The following CEP162 variants were observed in gnomAD, a reference collection of about 807,000 sequenced individuals.
CEP162 encodes the protein centrosomal protein 162.
A neutral mutation model predicts 169.2 loss-of-function variants in CEP162; 141 were observed. The ratio of observed to expected loss-of-function variants is 0.83; its 90% CI spans 0.73 to 0.96. CEP162 has a LOEUF of 0.96. Among genes scored for constraint, CEP162 ranks in the 40% least tolerant of loss-of-function variants. The probability of loss-of-function intolerance (pLI) is 0.00; values close to 1 mark genes in which losing one functional copy is unlikely to be tolerated. For missense variants in CEP162, 1,600 were observed against 1,587.2 expected (o/e 1.01, Z -0.14); for synonymous variants, 540 against 526.4 (o/e 1.03, Z -0.35).
intron 22 of CEP162, among the ~76,000 whole-genome samples, chr6:84,154,245 G>A (rs1029691434): frequency 2.0e-5 from 3 of 152,062 alleles, no homozygotes; most frequent in Non-Finnish European, 2.9e-5. Context: ...GTCTTATTTA[G>A]TTGGTGGAAC....
intron 6 of CEP162, among the ~76,000 whole-genome samples, chr6:84,212,184 C>T (rs147522582): frequency 6.6e-6 from 1 of 152,128 alleles, no homozygotes; most frequent in Admixed American, 6.5e-5. Flanking sequence ...GGAGGCTCTT[C>T]GTGGTGAAGA....
At chr6:84,170,155 C>T (rs182042899) in intron 17 of CEP162, among the ~76,000 whole-genome samples, 73 of 151,914 alleles carry the variant, frequency 4.8e-4, no homozygotes, top group Admixed American at 1.4e-3. Flanking sequence ...AGGTGGATCA[C>T]GAGGTCAGGA....
At chr6:84,188,750 A>G (rs1439881525) in intron 11 of CEP162, among the ~76,000 whole-genome samples, 1 of 152,170 alleles carries the variant, frequency 6.6e-6, no homozygotes, top group African/African-American at 2.4e-5. Context: ...GTATATATCC[A>G]ATGATGAGAT....
chr6:84,179,873 G>A (rs1013905821), intron 13 of CEP162, among the ~76,000 whole-genome samples: 1 of 152,082 alleles, frequency 6.6e-6, no homozygotes, highest in Non-Finnish European at 1.5e-5. Context: ...CCAAAAAAAA[G>A]TACAGGACCA....
intron 25 of CEP162, among the ~76,000 whole-genome samples, chr6:84,144,438 C>A (rs1367123733): frequency 6.6e-6 from 1 of 152,030 alleles, no homozygotes; most frequent in African/African-American, 2.4e-5. Flanking sequence ...TTATAATGAA[C>A]TCTCATCAGA....
At chr6:84,196,191 G>A (rs1261560179) in intron 9 of CEP162, among the ~76,000 whole-genome samples, 1 of 152,164 alleles carries the variant, frequency 6.6e-6, no homozygotes, top group Non-Finnish European at 1.5e-5. Flanking sequence ...AATTATGGGG[G>A]TGGGTCTTTT....
intron 4 of CEP162, 99 bp downstream of exon 4, chr6:84,215,677 A>T: frequency 6.9e-7 from 1 of 1,439,420 alleles, no homozygotes; most frequent in Non-Finnish European, 9.3e-7. Flanking sequence ...AAATCTGTCT[A>T]CATGCTTCAG....
intron 23 of CEP162, among the ~76,000 whole-genome samples, chr6:84,150,028 A>T (rs2099520526): frequency 6.6e-6 from 1 of 152,138 alleles, no homozygotes. Context: ...ATCTTTTAAG[A>T]TAAACTCAGA....
At chr6:84,153,466 C>A (rs2129203156) in intron 22 of CEP162, among the ~76,000 whole-genome samples, 1 of 152,250 alleles carries the variant, frequency 6.6e-6, no homozygotes, top group Non-Finnish European at 1.5e-5. Context: ...TATTTTAAAT[C>A]TCACAATAAA....
At chr6:84,172,595 T>C (rs574345457) in intron 16 of CEP162, among the ~76,000 whole-genome samples, 29 of 152,284 alleles carry the variant, frequency 1.9e-4, no homozygotes, top group African/African-American at 7.0e-4. Context: ...TCGGCATACT[T>C]ATGGGTCTGT....
At chr6:84,186,117 T>C (rs2127713278) in intron 12 of CEP162, among the ~76,000 whole-genome samples, 1 of 152,250 alleles carries the variant, frequency 6.6e-6, no homozygotes, top group South Asian at 2.1e-4. Context: ...AAGAATGGCT[T>C]CTAAAAGCAA....
intron 11 of CEP162, among the ~76,000 whole-genome samples, chr6:84,188,378 C>G (rs1049233076): frequency 1.3e-5 from 2 of 152,106 alleles, no homozygotes; most frequent in African/African-American, 4.8e-5. Flanking sequence ...TCGATCTTCA[C>G]CCTCCTCCCA....
chr6:84,178,700 T>A, intron 13 of CEP162, among the ~76,000 whole-genome samples: 1 of 152,206 alleles, frequency 6.6e-6, no homozygotes, highest in East Asian at 1.9e-4. Context: ...AGGGTACATG[T>A]GCACAACGTG....
intron 25 of CEP162, among the ~76,000 whole-genome samples, chr6:84,140,851 CT>C: frequency 6.6e-6 from 1 of 152,208 alleles, no homozygotes. Flanking sequence ...ATAAAAATAG[CT>C]TACTGGTCTA....
At chr6:84,221,848 C>T (rs188577032) in intron 2 of CEP162, among the ~76,000 whole-genome samples, 2 of 152,156 alleles carry the variant, frequency 1.3e-5, no homozygotes, top group East Asian at 1.9e-4. Flanking sequence ...TCAGACAACA[C>T]AATTCTTTCC....
At chr6:84,191,475 T>C (rs2099539868) in intron 11 of CEP162, among the ~76,000 whole-genome samples, 1 of 152,206 alleles carries the variant, frequency 6.6e-6, no homozygotes, top group Non-Finnish European at 1.5e-5. Context: ...GTTGTAACAT[T>C]GATTGCTGTG....
chr6:84,132,516 A>G (rs1402575636), intron 25 of CEP162, among the ~76,000 whole-genome samples: 1 of 152,130 alleles, frequency 6.6e-6, no homozygotes, highest in Admixed American at 6.5e-5. Context: ...ACATAGTCCC[A>G]TATTTCTTGG....
rs138817918 is a variant in CEP162 at position 84,170,039 on chromosome 6, T to C, written c.2280-606A>G. Among the ~76,000 whole-genome samples the C allele has an allele frequency of 9.5e-3, 1,448 of 152,236 alleles. 12 individuals are homozygous for C. Among genetic ancestry groups the C allele is most frequent in the Non-Finnish European group, 0.016 (1,061 of 67,994 alleles). ...CTTTTAGAAGCCAAGTAGTACAAGA[T>C]AAGATATTTTAAAATAACTTTACTG... On this transcript the variant is annotated intron_variant, in intron 17 of 26. Coordinates refer to ENST00000403245, the MANE Select transcript of CEP162 (RefSeq NM_014895.4).
intron 2 of CEP162, among the ~76,000 whole-genome samples, chr6:84,225,334 T>C (rs2099555285): frequency 6.6e-6 from 1 of 152,232 alleles, no homozygotes; most frequent in African/African-American, 2.4e-5. Context: ...CAGCATGTAC[T>C]GTACTGAATC....
Sources: gnomAD v4.1 joint callset for allele counts (sites outside exome capture counted in the v4.1 genomes callset) on GRCh38, gnomAD v4.1.1 for gene constraint, MANE v1.5 for transcripts, NCBI Gene and HGNC (gene_info 2026-07-23, HGNC 2026-07-21) for gene names.